RFX3: variants seen among roughly 807,000 people sequenced by gnomAD.
The protein encoded by RFX3 is regulatory factor X3.
A neutral mutation model predicts 98.6 loss-of-function variants in RFX3; 14 were observed. That is an observed-to-expected ratio of 0.14 (90% CI 0.09 to 0.22). The LOEUF is 0.22. Ranked by LOEUF, RFX3 falls within the 10% of genes least tolerant of loss-of-function variation. RFX3 has a pLI of 1.00. For missense variants in RFX3, 639 were observed against 926.9 expected (o/e 0.69, Z 4.03); for synonymous variants, 383 against 328.4 (o/e 1.17, Z -1.80).
chr9:3,400,832 A>G (rs1037488703), intron 1 of RFX3, among the ~76,000 whole-genome samples: 3 of 152,234 alleles, frequency 2.0e-5, no homozygotes, highest in Non-Finnish European at 4.4e-5. Flanking sequence ...TGTTATCCCC[A>G]TTTAACAAAT....
chr9:3,353,070 C>G (rs953727633), intron 2 of RFX3, among the ~76,000 whole-genome samples: 6 of 151,896 alleles, frequency 4.0e-5, no homozygotes, highest in African/African-American at 1.2e-4. Flanking sequence ...AACTGGAAAT[C>G]ATCATTCTCA....
At chr9:3,374,404 T>C (rs1262921065) in intron 2 of RFX3, among the ~76,000 whole-genome samples, 2 of 151,036 alleles carry the variant, frequency 1.3e-5, no homozygotes, top group Admixed American at 1.3e-4. Context: ...TTCCCAATAG[T>C]ACAGCTTGTT....
intron 1 of RFX3, among the ~76,000 whole-genome samples, chr9:3,472,548 C>T (rs1418486225): frequency 6.6e-6 from 1 of 152,028 alleles, no homozygotes. Context: ...ATAAACACTT[C>T]TCCAGACAGC....
intron 1 of RFX3, among the ~76,000 whole-genome samples, chr9:3,489,960 G>A (rs1019276899): frequency 6.6e-6 from 1 of 152,134 alleles, no homozygotes; most frequent in African/African-American, 2.4e-5. Flanking sequence ...TTGGTAGGTG[G>A]AAAGGAAGGA....
chr9:3,342,093 C>T (rs999479476), intron 3 of RFX3, among the ~76,000 whole-genome samples: 1 of 152,120 alleles, frequency 6.6e-6, no homozygotes, highest in Non-Finnish European at 1.5e-5. Context: ...TGCATTAATA[C>T]ATGATTTTCA....
At chr9:3,332,592 C>T (rs550098312) in intron 3 of RFX3, among the ~76,000 whole-genome samples, 24 of 152,238 alleles carry the variant, frequency 1.6e-4, no homozygotes, top group African/African-American at 5.1e-4. Flanking sequence ...TTTTCTGTAA[C>T]GCAGATATAA....
At chr9:3,348,995 G>A (rs1386201090) in intron 2 of RFX3, among the ~76,000 whole-genome samples, 1 of 151,966 alleles carries the variant, frequency 6.6e-6, no homozygotes, top group Non-Finnish European at 1.5e-5. Context: ...ACTACAATTG[G>A]GACCCATTAA....
rs185521463 is a variant in RFX3 at position 3,485,680 on chromosome 9, T to G, written c.-9+40067A>C. 2.5e-4 allele frequency among the ~76,000 whole-genome samples: 38 copies of G among 152,336 alleles called. 1 individual carries two copies. Among genetic ancestry groups the G allele is most frequent in the Admixed American group, 1.7e-3 (26 of 15,304 alleles). ...ATGAACTTGTAATTTTTATCTTAGT[T>G]TATCTCTGAAAAACAATTTAAAATC... On this transcript the variant is annotated intron_variant, in intron 1 of 16. Coordinates refer to ENST00000617270, the MANE Select transcript of RFX3 (RefSeq NM_001282116.2).
At chr9:3,395,702 C>T (rs1217902225) in intron 1 of RFX3, 106 bp from the exon 2 acceptor site, 10 of 1,161,270 alleles carry the variant, frequency 8.6e-6, no homozygotes, top group Non-Finnish European at 1.2e-5. Flanking sequence ...TTTCAACTCT[C>T]ATACCTCTTA....
intron 1 of RFX3, among the ~76,000 whole-genome samples, chr9:3,499,284 A>G (rs1166165303): frequency 6.6e-6 from 1 of 152,132 alleles, no homozygotes; most frequent in Admixed American, 6.6e-5. Flanking sequence ...TAATAGAAAA[A>G]TAAGTTAAAA....
rs139283463 is a variant in RFX3, at chr9:3,299,411, T to C, written c.549+2135A>G. 2.6e-5 allele frequency among the ~76,000 whole-genome samples: 4 copies of C among 151,896 alleles called. No homozygotes were observed. In the East Asian group the frequency reaches 7.7e-4, roughly 29 times the overall value. The stretch of plus-strand genomic sequence containing the variant: ...ACTGATCAGTCAGTAGAAGCACTGA[T>C]CCTTTCTCCACTGTTTATAAACCAT... On this transcript the variant is annotated intron_variant, in intron 5 of 16. Transcript: ENST00000617270.
At chr9:3,412,556 G>A (rs369065318) in intron 1 of RFX3, among the ~76,000 whole-genome samples, 1 of 151,988 alleles carries the variant, frequency 6.6e-6, no homozygotes, top group Non-Finnish European at 1.5e-5. Flanking sequence ...ATCTTCCTAA[G>A]GTAAATATGT....
intron 2 of RFX3, among the ~76,000 whole-genome samples, chr9:3,367,105 GA>G (rs1019941026): frequency 1.1e-4 from 16 of 152,080 alleles, no homozygotes; most frequent in African/African-American, 3.9e-4. Flanking sequence ...TGAATACAAT[GA>G]AAAATACCTC....
At chr9:3,290,779 T>G (rs1473316987) in intron 6 of RFX3, among the ~76,000 whole-genome samples, 4 of 152,122 alleles carry the variant, frequency 2.6e-5, no homozygotes, top group Admixed American at 2.6e-4. Context: ...CAATAATTCA[T>G]GCTAATACAT....
chr9:3,517,803 T>C (rs1462793399), intron 1 of RFX3, among the ~76,000 whole-genome samples: 2 of 152,120 alleles, frequency 1.3e-5, no homozygotes, highest in Non-Finnish European at 2.9e-5. Context: ...TATAAATTTG[T>C]CCAAGAGGAC....
At chr9:3,249,142 AAG>A (rs1314544446) in intron 14 of RFX3, among the ~76,000 whole-genome samples, 1 of 152,202 alleles carries the variant, frequency 6.6e-6, no homozygotes, top group Non-Finnish European at 1.5e-5. Context: ...TCTCAGGAGA[AAG>A]AGGTAAAAAC....
chr9:3,389,268 A>C (rs1413273489), intron 2 of RFX3, among the ~76,000 whole-genome samples: 1 of 152,134 alleles, frequency 6.6e-6, no homozygotes, highest in Non-Finnish European at 1.5e-5. Context: ...TGAGGCATAA[A>C]ATGAAAAACA....
chr9:3,226,347 A>G lies in RFX3; in HGVS notation c.2012-1067T>C, dbSNP rs551314605. ...CTCTGCTAATGCAGCTGTCTCTATA[A>G]ACAAGGCCCCTTGACTTTTCTTATT... On this transcript the variant is annotated intron_variant, in intron 16 of 16. Coordinates refer to ENST00000617270, the MANE Select transcript of RFX3 (RefSeq NM_001282116.2). Among the ~76,000 whole-genome samples, 3 of 152,320 alleles carry G rather than the reference A, an allele frequency of 2.0e-5. No homozygotes were observed. In the South Asian group the frequency reaches 6.2e-4, roughly 32 times the overall value.
chr9:3,236,841 T>C (rs1819221385), intron 15 of RFX3, among the ~76,000 whole-genome samples: 1 of 152,246 alleles, frequency 6.6e-6, no homozygotes, highest in Non-Finnish European at 1.5e-5. Context: ...ATGGTAACTT[T>C]AGATAAACAA....
Sources: allele counts gnomAD v4.1 joint callset (sites outside exome capture counted in the v4.1 genomes callset), GRCh38; gene constraint gnomAD v4.1.1; transcripts MANE v1.5; gene names NCBI Gene and HGNC (gene_info 2026-07-23, HGNC 2026-07-21).